GALNTL6: variants seen among roughly 807,000 people sequenced by gnomAD.
The protein encoded by GALNTL6 is polypeptide N-acetylgalactosaminyltransferase-like 6.
A neutral mutation model predicts 73.7 loss-of-function variants in GALNTL6; 46 were observed. The ratio of observed to expected loss-of-function variants is 0.62; its 90% CI spans 0.49 to 0.80. GALNTL6 has a LOEUF of 0.80. Ranked by LOEUF, GALNTL6 falls within the 30% of genes least tolerant of loss-of-function variation. The pLI is 0.00. For missense variants in GALNTL6, 604 were observed against 755.0 expected (o/e 0.80, Z 2.34); for synonymous variants, 259 against 263.7 (o/e 0.98, Z 0.17).
At chr4:172,153,888 G>C (rs1179598936) in intron 2 of GALNTL6, among the ~76,000 whole-genome samples, 1 of 152,124 alleles carries the variant, frequency 6.6e-6, no homozygotes, top group East Asian at 1.9e-4. Context: ...TCTGCCACCA[G>C]GCCTCTTGAC....
At chr4:171,986,645 T>C (rs1199829580) in intron 2 of GALNTL6, among the ~76,000 whole-genome samples, 1 of 151,912 alleles carries the variant, frequency 6.6e-6, no homozygotes, top group Non-Finnish European at 1.5e-5. Flanking sequence ...AAGGAAGATT[T>C]TGTGGTAAGG....
intron 2 of GALNTL6, among the ~76,000 whole-genome samples, chr4:171,885,531 C>T (rs1281557288): frequency 3.3e-5 from 5 of 152,134 alleles, no homozygotes; most frequent in African/African-American, 4.8e-5. Context: ...ATAGGCTAGG[C>T]ATGGTGGCTC....
intron 5 of GALNTL6, among the ~76,000 whole-genome samples, chr4:172,454,322 G>A (rs544457207): frequency 3.3e-5 from 5 of 152,260 alleles, no homozygotes; most frequent in Admixed American, 6.5e-5. Flanking sequence ...CTTCAGTCCC[G>A]TTGATAAAGA....
At chr4:172,144,700 G>C (rs1045614222) in intron 2 of GALNTL6, among the ~76,000 whole-genome samples, 1 of 152,088 alleles carries the variant, frequency 6.6e-6, no homozygotes, top group African/African-American at 2.4e-5. Context: ...CCTCTGTACT[G>C]TTGTTTCCCA....
chr4:172,311,873 A>AT (rs1740376796), intron 4 of GALNTL6, 121 bp downstream of exon 4: 4 of 654,344 alleles, frequency 6.1e-6, no homozygotes, highest in Admixed American at 3.0e-5. Flanking sequence ...AATAATTTTG[A>AT]TAAAAACTCA....
chr4:172,352,229 T>C (rs1741967255), intron 5 of GALNTL6, among the ~76,000 whole-genome samples: 1 of 152,162 alleles, frequency 6.6e-6, no homozygotes, highest in Admixed American at 6.5e-5. Context: ...CTCAAAATGC[T>C]TTAAAAAAAG....
intron 2 of GALNTL6, among the ~76,000 whole-genome samples, chr4:172,031,540 T>C (rs561449959): frequency 1.1e-4 from 17 of 152,144 alleles, no homozygotes; most frequent in Non-Finnish European, 1.9e-4. Flanking sequence ...AAAGATGAAA[T>C]CTAAAACACT....
chr4:172,060,283 T>G (rs538852688), intron 2 of GALNTL6, among the ~76,000 whole-genome samples: 12 of 152,292 alleles, frequency 7.9e-5, no homozygotes, highest in African/African-American at 2.9e-4. Flanking sequence ...TACATACATA[T>G]ATACATGTTT....
intron 3 of GALNTL6, among the ~76,000 whole-genome samples, chr4:172,245,409 T>C (rs1737625086): frequency 6.6e-6 from 1 of 152,172 alleles, no homozygotes; most frequent in Non-Finnish European, 1.5e-5. Context: ...TCCTTACATT[T>C]AGAGTTACAG....
At chr4:172,594,993 G>A (rs1009438792) in intron 5 of GALNTL6, among the ~76,000 whole-genome samples, 2 of 152,122 alleles carry the variant, frequency 1.3e-5, no homozygotes, top group African/African-American at 4.8e-5. Flanking sequence ...TCTGATGAGG[G>A]CCCTCTTCCA....
At chr4:172,008,080 T>C (rs1460976248) in intron 2 of GALNTL6, among the ~76,000 whole-genome samples, 1 of 152,160 alleles carries the variant, frequency 6.6e-6, no homozygotes, top group Non-Finnish European at 1.5e-5. Flanking sequence ...GTCAGCTGTT[T>C]CTACTAAAGA....
intron 5 of GALNTL6, among the ~76,000 whole-genome samples, chr4:172,703,478 G>C (rs2111298598): frequency 6.6e-6 from 1 of 152,002 alleles, no homozygotes; most frequent in East Asian, 1.9e-4. Context: ...TCAGTTTGTT[G>C]ATGTAGTGTA....
intron 3 of GALNTL6, among the ~76,000 whole-genome samples, chr4:172,239,568 TTA>T (rs1737350274): frequency 6.6e-6 from 1 of 152,212 alleles, no homozygotes; most frequent in Admixed American, 6.5e-5. Context: ...TGTATTTTTT[TTA>T]TGTCTCAATT....
At chr4:173,025,556 C>G (rs1753197416) in intron 12 of GALNTL6, among the ~76,000 whole-genome samples, 1 of 152,204 alleles carries the variant, frequency 6.6e-6, no homozygotes, top group Non-Finnish European at 1.5e-5. Context: ...AAGGGCTGCC[C>G]TGCTTCCTGT....
At chr4:172,516,032 A>C (rs1236319395) in intron 5 of GALNTL6, among the ~76,000 whole-genome samples, 1 of 152,186 alleles carries the variant, frequency 6.6e-6, no homozygotes, top group African/African-American at 2.4e-5. Flanking sequence ...AAGACTGATA[A>C]ATTCATGAGG....
chr4:172,085,846 T>C (rs1175018332), intron 2 of GALNTL6, among the ~76,000 whole-genome samples: 2 of 152,152 alleles, frequency 1.3e-5, no homozygotes, highest in Non-Finnish European at 2.9e-5. Context: ...AGCTTTATAA[T>C]TTTTTAATTT....
chr4:172,134,832 T>C (rs1733594752), intron 2 of GALNTL6, among the ~76,000 whole-genome samples: 1 of 152,164 alleles, frequency 6.6e-6, no homozygotes, highest in Non-Finnish European at 1.5e-5. Flanking sequence ...AAAGATTTCT[T>C]CCATCATGTG....
intron 5 of GALNTL6, among the ~76,000 whole-genome samples, chr4:172,754,937 C>T (rs557837404): frequency 1.3e-5 from 2 of 151,970 alleles, no homozygotes; most frequent in South Asian, 4.2e-4. Flanking sequence ...TTTTGTGGTT[C>T]CTAAGCTCCT....
At chr4:173,014,247 T>C (rs1266907099) in intron 11 of GALNTL6, among the ~76,000 whole-genome samples, 3 of 152,378 alleles carry the variant, frequency 2.0e-5, no homozygotes, top group African/African-American at 7.2e-5. Flanking sequence ...GATATCATGG[T>C]AGCATTATGC....
Sources: gnomAD v4.1 joint callset for allele counts (sites outside exome capture counted in the v4.1 genomes callset) on GRCh38, gnomAD v4.1.1 for gene constraint, MANE v1.5 for transcripts, NCBI Gene and HGNC (gene_info 2026-07-23, HGNC 2026-07-21) for gene names.